The following CEP68 variants were observed in gnomAD, a reference collection of about 807,000 sequenced individuals.
The protein encoded by CEP68 is centrosomal protein of 68 kDa.
CEP68 carries 26 observed loss-of-function variants against 55.3 expected under a neutral mutation model. The observed-to-expected ratio is 0.47, with a 90% CI of 0.34 to 0.65. The LOEUF is 0.65. CEP68 is among the 30% of genes least tolerant of loss of function. The pLI, the probability that CEP68 is intolerant of heterozygous loss-of-function variation, is 0.01. For missense variants in CEP68, 957 were observed against 946.7 expected (o/e 1.01, Z -0.14); for synonymous variants, 402 against 383.2 (o/e 1.05, Z -0.57).
At chr2:65,058,298 T>C (rs1045625262) in intron 1 of CEP68, among the ~76,000 whole-genome samples, 1 of 151,884 alleles carries the variant, frequency 6.6e-6, no homozygotes, top group African/African-American at 2.4e-5. Context: ...CTCAACCTCC[T>C]GGGGTCGAGT....
chr2:65,081,278 G>A (rs550143820), intron 5 of CEP68, among the ~76,000 whole-genome samples: 123 of 151,594 alleles, frequency 8.1e-4, no homozygotes, highest in Middle Eastern at 3.5e-3. Context: ...AAGCTTTACC[G>A]TGCGCCTGAC....
At chr2:65,059,981 T>C (rs1279138547) in intron 1 of CEP68, among the ~76,000 whole-genome samples, 1 of 151,800 alleles carries the variant, frequency 6.6e-6, no homozygotes, top group Admixed American at 6.5e-5. Flanking sequence ...GGAGCTTTTT[T>C]CTATTTTTTG....
In CEP68 at chr2:65,071,940, C is replaced by G. The variant is rs1382859805; in HGVS notation, c.844C>G (p.Leu282Val). ...CTGGGCCTGTGTGCTGCCAGATTCCCTGCCTCCATCACCCGACCGCCACTC... is the reference window on the plus strand; with the variant it reads ...CTGGGCCTGTGTGCTGCCAGATTCCGTGCCTCCATCACCCGACCGCCACTC... ...EYWACVLPDS[L>V]PPSPDRHSPL... Residue 282 changes from leucine (L) to valine (V), a missense_variant, in exon 3 of 7, where the codon CTG becomes GTG. By Grantham distance (32) the Leu-to-Val change is conservative. Coordinates refer to ENST00000377990, the MANE Select transcript of CEP68 (RefSeq NM_015147.3). 1.2e-5 allele frequency: 20 copies of G among 1,613,158 alleles called. No individual in the cohort carries two copies. The highest frequency in any genetic ancestry group is 1.6e-5 in the Non-Finnish European group (19 of 1,179,994).
rs1668875513 is a variant in CEP68 at position 65,082,484 on chromosome 2, A to G, written c.2105-52A>G. ...TTCTTTTGAAAATGCTTACTGGACA[A>G]CACTTGCATGGGTTTTATTTCTGGT... On this transcript the variant is annotated intron_variant, in intron 5 of 6. Coordinates refer to ENST00000377990, the MANE Select transcript of CEP68 (RefSeq NM_015147.3). 3 of 1,455,810 alleles carry G rather than the reference A, an allele frequency of 2.1e-6. No homozygotes were observed. In the East Asian group the frequency reaches 7.6e-5, roughly 37 times the overall value. The allele number at this position is 1,455,810 out of a possible 1,614,324, so 90.2% of individuals were successfully genotyped here. A position where few individuals can be genotyped will look rare whatever the true frequency, so the allele number is the denominator to read the frequency against.
chr2:65,082,619 G>A lies in CEP68; in HGVS notation c.2188G>A (p.Ala730Thr), dbSNP rs767543442. 36 of 1,612,216 alleles carry A rather than the reference G, an allele frequency of 2.2e-5. No homozygotes were observed. Among genetic ancestry groups the A allele is most frequent in the Non-Finnish European group, 3.1e-5 (36 of 1,179,370 alleles). ...HADRLYDSIL[A>T]SLDMLAGCTL... ...AGATCGCCTGTATGACTCTATCTTG[G>A]CCTCTCTGGACATGCTGGCTGGCTG... Residue 730 changes from alanine (A) to threonine (T), a missense_variant, in exon 6 of 7, where the codon GCC becomes ACC. Coordinates refer to ENST00000377990, the MANE Select transcript of CEP68 (RefSeq NM_015147.3).
At position 65,069,454 on chromosome 2, in the gene CEP68, G is replaced by T. The variant is rs768820202; in HGVS notation, c.10G>T (p.Gly4Cys). Residue 4 changes from glycine to cysteine, a missense_variant, in exon 2 of 7, where the codon GGT (glycine) becomes TGT (cysteine). Coordinates refer to ENST00000377990, the MANE Select transcript of CEP68 (RefSeq NM_015147.3). MAL[G>C]EEKAEAEASE... Reference sequence around the variant, plus strand: ...TAGGTAGGGAGTCTCAATGGCCCTGGGTGAAGAAAAGGCAGAAGCGGAAGC... The same window carrying T: ...TAGGTAGGGAGTCTCAATGGCCCTGTGTGAAGAAAAGGCAGAAGCGGAAGC... 2 of 1,515,048 alleles carry T rather than the reference G, an allele frequency of 1.3e-6. No individual in the cohort carries two copies. Among genetic ancestry groups the T allele is most frequent in the African/African-American group, 1.4e-5 (1 of 71,790 alleles). 93.9% of individuals were successfully genotyped at this position (1,515,048 alleles called of 1,614,324 possible).
chr2:65,074,543 C>A, intron 4 of CEP68, 139 bp downstream of exon 4: 1 of 1,238,534 alleles, frequency 8.1e-7, no homozygotes, highest in Non-Finnish European at 1.2e-6. Context: ...CTAATTAGAG[C>A]TTCACATTCT....
At position 65,085,604 on chromosome 2, in the gene CEP68, C is replaced by G. The variant is rs185840212; in HGVS notation, c.*1970C>G. The G allele has an allele frequency of 3.3e-5, 5 of 152,182 alleles. No homozygotes were observed. The highest frequency in any genetic ancestry group is 3.3e-4 in the Admixed American group (5 of 15,264). 9.4% of individuals were successfully genotyped at this position (152,182 alleles called of 1,614,324 possible). A position where few individuals can be genotyped will look rare whatever the true frequency, so the allele number is the denominator to read the frequency against. On this transcript the variant is annotated 3_prime_UTR_variant, in exon 7 of 7. Coordinates refer to ENST00000377990, the MANE Select transcript of CEP68 (RefSeq NM_015147.3). ...CGGGTGGATCACAAGGTCAGGAGAT[C>G]GAGACCATCCTGGCTAACACGGTGA...
At chr2:65,057,650 A>G (rs749271673) in intron 1 of CEP68, among the ~76,000 whole-genome samples, 57 of 152,294 alleles carry the variant, frequency 3.7e-4, no homozygotes, top group African/African-American at 1.1e-3. Flanking sequence ...AAGGCACTCA[A>G]TGATGGAAGG....
chr2:65,080,437 A>G (rs1676958126), intron 5 of CEP68: 1 of 985,432 alleles, frequency 1.0e-6, no homozygotes, highest in Non-Finnish European at 1.2e-6. Flanking sequence ...TCAAAAGTCC[A>G]TAGAGCCAGC....
chr2:65,060,021 A>G (rs1048413185), intron 1 of CEP68, among the ~76,000 whole-genome samples: 5 of 152,208 alleles, frequency 3.3e-5, no homozygotes, highest in African/African-American at 1.2e-4. Flanking sequence ...TTGTTAAAAA[A>G]AAACTATTTG....
chr2:65,073,110 T>C (rs1463433840), intron 3 of CEP68, 130 bp downstream of exon 3: 2 of 1,003,372 alleles, frequency 2.0e-6, no homozygotes, highest in Non-Finnish European at 3.1e-6. Context: ...GTGCTGTACC[T>C]TATCTTATTC....
chr2:65,082,613 A>G lies in CEP68; in HGVS notation c.2182A>G (p.Ile728Val). The G allele has an allele frequency of 6.2e-7, 1 of 1,612,446 alleles. No homozygotes were observed. The highest frequency in any genetic ancestry group is 8.5e-7 in the Non-Finnish European group (1 of 1,179,340). The change falls in exon 6 of 7, where the codon ATC becomes GTC. Residue 728 changes from isoleucine to valine, a missense_variant. By Grantham distance (29) the Ile-to-Val change is conservative. Coordinates refer to ENST00000377990, the MANE Select transcript of CEP68 (RefSeq NM_015147.3). ...ESHADRLYDS[I>V]LASLDMLAGC... ...CCACGCAGATCGCCTGTATGACTCT[A>G]TCTTGGCCTCTCTGGACATGCTGGC...
At chr2:65,059,839 A>G (rs1302325362) in intron 1 of CEP68, among the ~76,000 whole-genome samples, 1 of 152,180 alleles carries the variant, frequency 6.6e-6, no homozygotes, top group Non-Finnish European at 1.5e-5. Context: ...CTCTGAGGTG[A>G]TGCAGATGCT....
At chr2:65,065,935 G>A (rs1282712785) in intron 1 of CEP68, among the ~76,000 whole-genome samples, 1 of 148,346 alleles carries the variant, frequency 6.7e-6, no homozygotes, top group South Asian at 2.1e-4. Flanking sequence ...CAGCCTAGGT[G>A]ACAAACCGAG....
In CEP68 at chr2:65,085,504, C is replaced by T. The variant is rs1238862442; in HGVS notation, c.*1870C>T. 6.6e-6 allele frequency: 1 copy of T among 152,016 alleles called. No homozygotes were observed. Among genetic ancestry groups the T allele is most frequent in the Non-Finnish European group, 1.5e-5 (1 of 68,032 alleles). The allele number at this position is 152,016 out of a possible 1,614,324, so 9.4% of individuals were successfully genotyped here. A position where few individuals can be genotyped will look rare whatever the true frequency, so the allele number is the denominator to read the frequency against. On this transcript the variant is annotated 3_prime_UTR_variant, in exon 7 of 7. Transcript: ENST00000377990. ...ATACCGCCGTGCTTTAAGTTTAAGA[C>T]TTACCTTAAAACTCAAGCTGAAGGC... is the stretch of plus-strand genomic sequence containing the variant.
chr2:65,082,750 C>T, intron 6 of CEP68, 41 bp downstream of exon 6: 1 of 1,481,284 alleles, frequency 6.8e-7, no homozygotes, highest in Non-Finnish European at 9.0e-7. Context: ...CCCACCAACC[C>T]TGCTGTAACA....
intron 1 of CEP68, among the ~76,000 whole-genome samples, chr2:65,058,685 T>C (rs1675772136): frequency 6.6e-6 from 1 of 151,844 alleles, no homozygotes. Flanking sequence ...TTTTGTATTT[T>C]TGGTAGAGAC....
chr2:65,071,355 T>C (rs1170524831), intron 2 of CEP68, 99 bp from the exon 3 acceptor site: 12 of 1,008,504 alleles, frequency 1.2e-5, no homozygotes, highest in Non-Finnish European at 1.5e-5. Context: ...CTTTCCTAAA[T>C]ACTGTCTAGA....
Sources: gnomAD v4.1 joint callset for allele counts (sites outside exome capture counted in the v4.1 genomes callset) on GRCh38, gnomAD v4.1.1 for gene constraint, MANE v1.5 for transcripts, NCBI Gene and HGNC (gene_info 2026-07-23, HGNC 2026-07-21) for gene names.